KIF4A: variants seen among roughly 807,000 people sequenced by gnomAD.
KIF4A encodes the protein chromosome-associated kinesin KIF4A.
Under a neutral mutation model 105.9 loss-of-function variants are expected in KIF4A, and 7 were observed. The observed-to-expected ratio is 0.07, with a 90% confidence interval of 0.04 to 0.12. The LOEUF (loss-of-function observed/expected upper bound fraction) is 0.12, where lower values mean the gene tolerates loss of function less well. KIF4A is among the 10% of genes least tolerant of loss of function. The pLI is 1.00. For synonymous variants in KIF4A, 281 were observed against 331.3 expected, an observed-to-expected ratio of 0.85 and a Z score of 1.65; for missense variants, 558 against 929.2, an observed-to-expected ratio of 0.60 and a Z score of 5.19.
At chrX:70,399,565 T>C (rs948443812) in intron 22 of KIF4A, among the ~76,000 whole-genome samples, 3 of 110,282 alleles carry the variant, frequency 2.7e-5, no homozygotes, top group African/African-American at 6.6e-5. Flanking sequence ...TGGAGTAATA[T>C]TGTCCAAATG....
At chrX:70,388,895 T>A (rs1450077665) in intron 20 of KIF4A, among the ~76,000 whole-genome samples, 1 of 112,368 alleles carries the variant, frequency 8.9e-6, no homozygotes, top group Non-Finnish European at 1.9e-5. Context: ...ATTTATTATG[T>A]TAATGCCATC....
At chrX:70,350,724 A>G (rs903438903) in intron 13 of KIF4A, among the ~76,000 whole-genome samples, 17 of 112,001 alleles carry the variant, frequency 1.5e-4, no homozygotes, top group African/African-American at 5.2e-4. Context: ...CACTTCTCAC[A>G]TTAAAGGTAC....
chrX:70,356,514 G>A (rs2086051997), intron 15 of KIF4A, among the ~76,000 whole-genome samples: 1 of 112,073 alleles, frequency 8.9e-6, no homozygotes, highest in African/African-American at 3.2e-5. Context: ...AGTGAGTCGA[G>A]ATTGCACCAC....
chrX:70,319,309 A>C (rs1194361482), intron 7 of KIF4A, among the ~76,000 whole-genome samples: 1 of 111,969 alleles, frequency 8.9e-6, no homozygotes, highest in Non-Finnish European at 1.9e-5. Flanking sequence ...TCAAGATCTT[A>C]ACGATATTTT....
chrX:70,403,803 G>GA (rs2086290440), intron 23 of KIF4A, 61 bp from the exon 24 acceptor site: 1 of 1,044,557 alleles, frequency 9.6e-7, no homozygotes, highest in Admixed American at 2.8e-5. Context: ...CCTGCCTGTT[G>GA]AAAGGGGGAA....
At chrX:70,291,956 A>AT (rs1187198123) in intron 3 of KIF4A, among the ~76,000 whole-genome samples, 1 of 111,628 alleles carries the variant, frequency 9.0e-6, no homozygotes, top group Non-Finnish European at 1.9e-5. Context: ...CTATTCACAT[A>AT]TTTTTTCACG....
rs1470649864 is a variant in KIF4A at position 70,373,519 on chromosome X, T to TATATA, written c.1675-632_1675-631insATATA. On this transcript the variant is annotated intron_variant, in intron 15 of 30. Transcript: ENST00000374403. Reference sequence around the variant, plus strand: ...GGCAACATATATATATACATGTGTGTGTATGTATATATATATATATATATA... The same window carrying TATATA: ...GGCAACATATATATATACATGTGTGTATATAGTATGTATATATATATATATATATA... Among the ~76,000 whole-genome samples the TATATA allele has an allele frequency of 4.8e-3, 18 of 3,745 alleles. 6 individuals are homozygous for TATATA. Among genetic ancestry groups the TATATA allele is most frequent in the Non-Finnish European group, 5.0e-3 (14 of 2,803 alleles). 3.3% of individuals were successfully genotyped at this position (3,745 alleles called of 115,157 possible).
intron 22 of KIF4A, among the ~76,000 whole-genome samples, chrX:70,400,475 T>C (rs2086277130): frequency 9.0e-6 from 1 of 111,406 alleles, no homozygotes; most frequent in African/African-American, 3.3e-5. Flanking sequence ...GCTTGTTGAG[T>C]TTTAGTGTAG....
intron 7 of KIF4A, among the ~76,000 whole-genome samples, chrX:70,306,150 G>A (rs1243935335): frequency 1.8e-5 from 2 of 112,127 alleles, no homozygotes; most frequent in African/African-American, 6.5e-5. Context: ...TTGTTGAAAA[G>A]ACTATCCTTT....
Position 70,387,282 on chromosome X carries a change from T to A in KIF4A, c.2217T>A (p.Thr739=). 1 of 1,179,393 alleles carries A rather than the reference T, an allele frequency of 8.5e-7. No individual in the cohort carries two copies. Residue 739 remains threonine (T), a synonymous_variant, in exon 20 of 31, where the codon ACT becomes ACA. Coordinates refer to ENST00000374403, the MANE Select transcript of KIF4A (RefSeq NM_012310.5). The stretch of plus-strand genomic sequence containing the variant: ...CTCAGAGCCGTGGAATGGAAGGCAC[T>A]GCAGCTCGAGTGAAGGTATGAACAA... ...KETQSRGMEG[T]AARVKNWLGN... is the part of the protein sequence containing the mutation.
At chrX:70,295,127 TA>T (rs1344042047) in intron 3 of KIF4A, among the ~76,000 whole-genome samples, 10 of 112,008 alleles carry the variant, frequency 8.9e-5, no homozygotes, top group Non-Finnish European at 1.7e-4. Context: ...AGAGAAAATA[TA>T]AAAACTAATC....
chrX:70,387,082 G>A (rs1715189015), intron 19 of KIF4A, 102 bp from the exon 20 acceptor site: 2 of 560,483 alleles, frequency 3.6e-6, no homozygotes, highest in Non-Finnish European at 5.7e-6. Flanking sequence ...GGTTCCTATA[G>A]GAACTCAAAC....
chrX:70,349,285 G>T (rs748094575), intron 13 of KIF4A, among the ~76,000 whole-genome samples: 75 of 91,910 alleles, frequency 8.2e-4, no homozygotes, highest in African/African-American at 3.0e-3. Context: ...GGGCGGCTGG[G>T]TAGAGGCGCT....
chrX:70,332,364 A>G (rs1252041480), intron 9 of KIF4A, among the ~76,000 whole-genome samples: 1 of 111,846 alleles, frequency 8.9e-6, no homozygotes, highest in Admixed American at 9.5e-5. Context: ...AAATGCTACC[A>G]GTCAGTCAGT....
At chrX:70,392,789 T>TA (rs747084313) in intron 20 of KIF4A, among the ~76,000 whole-genome samples, 165 of 107,462 alleles carry the variant, frequency 1.5e-3, no homozygotes, top group African/African-American at 5.3e-3. Context: ...TTTACCACAA[T>TA]AAAAAAATTC....
In KIF4A at chrX:70,339,297, A is replaced by G. The variant is rs537502693; in HGVS notation, c.1134-2502A>G. 5.4e-5 allele frequency among the ~76,000 whole-genome samples: 6 copies of G among 111,491 alleles called. No homozygotes were observed. The East Asian group carries it at 1.7e-3, about 31-fold the overall frequency. On this transcript the variant is annotated intron_variant, in intron 10 of 30. Coordinates refer to ENST00000374403, the MANE Select transcript of KIF4A (RefSeq NM_012310.5). ...GTAGAACATTTAGAGAAGTATAGAGAATAAAACTTAAAGTTGCTATAATTT... is the reference window on the plus strand; with the variant it reads ...GTAGAACATTTAGAGAAGTATAGAGGATAAAACTTAAAGTTGCTATAATTT...
intron 15 of KIF4A, among the ~76,000 whole-genome samples, chrX:70,367,203 C>G (rs1447072936): frequency 4.5e-5 from 5 of 111,512 alleles, no homozygotes; most frequent in African/African-American, 1.6e-4. Context: ...ACTCTTTATC[C>G]AGTTTGCCAG....
intron 3 of KIF4A, among the ~76,000 whole-genome samples, chrX:70,296,140 A>G (rs1230355230): frequency 3.7e-5 from 3 of 82,174 alleles, no homozygotes; most frequent in Non-Finnish European, 6.5e-5. Flanking sequence ...GCTGGAGTGC[A>G]GTGGCTTGAT....
In KIF4A at chrX:70,362,840, AT is replaced by A. The variant is rs1349800017; in HGVS notation, c.1674+9035del. Among the ~76,000 whole-genome samples, 3 of 112,389 alleles carry A rather than the reference AT, an allele frequency of 2.7e-5. No individual in the cohort carries two copies. In the Admixed American group the frequency reaches 2.8e-4, roughly 11 times the overall value. ...AGCCACTGCACAAGGCCTGAAATAA[AT>A]TCTTAATATAATCAATATGTTTTAA... is the stretch of plus-strand genomic sequence containing the variant. On this transcript the variant is annotated intron_variant, in intron 15 of 30. Transcript: ENST00000374403.
Sources: gnomAD v4.1 joint callset for allele counts (sites outside exome capture counted in the v4.1 genomes callset) on GRCh38, gnomAD v4.1.1 for gene constraint, MANE v1.5 for transcripts, NCBI Gene and HGNC (gene_info 2026-07-23, HGNC 2026-07-21) for gene names.